The following ZNF333 variants were observed in gnomAD, a reference collection of about 807,000 sequenced individuals.
The protein encoded by ZNF333 is zinc finger protein 333.
ZNF333 carries 61 observed loss-of-function variants against 76.1 expected under a neutral mutation model. That is an observed-to-expected ratio of 0.80 (90% CI 0.65 to 0.99). The LOEUF (loss-of-function observed/expected upper bound fraction) is 0.99. Ranked by LOEUF, ZNF333 falls within the 50% of genes least tolerant of loss-of-function variation. The pLI, the probability that ZNF333 is intolerant of heterozygous loss-of-function variation, is 0.00. For missense variants in ZNF333, 717 were observed against 822.4 expected, an observed-to-expected ratio of 0.87 and a Z score of 1.57; for synonymous variants, 284 against 305.0, an observed-to-expected ratio of 0.93 and a Z score of 0.72.
Position 14,715,279 on chromosome 19 carries a change from G to A in ZNF333, c.512-103G>A. 5.6e-6 allele frequency: 5 copies of A among 898,716 alleles called. 1 individual carries two copies. The South Asian group carries it at 5.9e-5, about 11-fold the overall frequency. 55.7% of individuals were successfully genotyped at this position (898,716 alleles called of 1,614,324 possible). Reference sequence around the variant, plus strand: ...CCTGTGAGTGTGTGCATGTGTGTGTGTACACATGTGATCACTCACAGCCAG... The same window carrying A: ...CCTGTGAGTGTGTGCATGTGTGTGTATACACATGTGATCACTCACAGCCAG... On this transcript the variant is annotated intron_variant, in intron 7 of 11. Coordinates refer to ENST00000292530, the MANE Select transcript of ZNF333 (RefSeq NM_032433.4).
intron 7 of ZNF333, among the ~76,000 whole-genome samples, chr19:14,712,157 A>G (rs1323033798): frequency 2.0e-5 from 3 of 151,544 alleles, no homozygotes; most frequent in African/African-American, 4.8e-5. Context: ...GATCAAAGAC[A>G]GGGGCAGCAC....
intron 7 of ZNF333, among the ~76,000 whole-genome samples, chr19:14,712,606 C>T (rs772823008): frequency 2.0e-5 from 3 of 152,106 alleles, no homozygotes; most frequent in Non-Finnish European, 4.4e-5. Flanking sequence ...CGTGCTCCCT[C>T]TGATGGCTCG....
intron 7 of ZNF333, among the ~76,000 whole-genome samples, chr19:14,710,859 A>G (rs920161408): frequency 6.6e-6 from 1 of 152,182 alleles, no homozygotes; most frequent in Non-Finnish European, 1.5e-5. Flanking sequence ...GAAGCACGGC[A>G]CCAACATCTG....
At chr19:14,693,396 A>ATGCTCTGCTTCCGTC in intron 1 of ZNF333, 55 bp from the exon 2 acceptor site, 1 of 1,415,922 alleles carries the variant, frequency 7.1e-7, no homozygotes, top group Non-Finnish European at 9.6e-7. Context: ...ATCCCCCAAA[A>ATGCTCTGCTTCCGTC]TGCTCTGCTT....
intron 2 of ZNF333, 62 bp from the exon 3 acceptor site, chr19:14,694,948 C>A (rs1973062124): frequency 6.2e-7 from 1 of 1,604,304 alleles, no homozygotes; most frequent in African/African-American, 1.3e-5. Context: ...CAGTGATAAC[C>A]AGTCGTTCTG....
chr19:14,699,511 A>C, intron 5 of ZNF333: 1 of 418,508 alleles, frequency 2.4e-6, no homozygotes, highest in South Asian at 2.7e-5. Context: ...CCCAGGCTGG[A>C]GTGCAGTGGC....
Position 14,718,904 on chromosome 19 carries a change from G to A in ZNF333, c.1577G>A (p.Arg526Lys). Residue 526 changes from arginine to lysine, a missense_variant, in exon 12 of 12, where the codon AGG becomes AAG. Transcript: ENST00000292530. ...AGCACTCATCTGAACGTGCACAAGAGGATACACACAGGGGAGAAACTGTAT... is the reference window on the plus strand; with the variant it reads ...AGCACTCATCTGAACGTGCACAAGAAGATACACACAGGGGAGAAACTGTAT... The part of the protein sequence containing the change: ...RTSTHLNVHK[R>K]IHTGEKLYEC... 1 of 1,614,166 alleles carries A rather than the reference G, an allele frequency of 6.2e-7. No individual in the cohort carries two copies. Among genetic ancestry groups the A allele is most frequent in the Non-Finnish European group, 8.5e-7 (1 of 1,180,014 alleles).
chr19:14,698,899 G>GAGATAT (rs1373655405), intron 4 of ZNF333, among the ~76,000 whole-genome samples: 1 of 132,710 alleles, frequency 7.5e-6, no homozygotes, highest in Admixed American at 7.6e-5. Flanking sequence ...CACAAATATA[G>GAGATAT]ATATATATAT....
intron 8 of ZNF333, 51 bp from the exon 9 acceptor site, chr19:14,716,061 C>A: frequency 6.2e-7 from 1 of 1,608,536 alleles, no homozygotes; most frequent in Non-Finnish European, 8.5e-7. Context: ...CATCCTCTGG[C>A]GTACTGGTGG....
chr19:14,732,216 A>G (rs1319086386), exon 12 of ZNF333: 2 of 152,158 alleles, frequency 1.3e-5, no homozygotes, highest in African/African-American at 4.8e-5. Flanking sequence ...TGTGTCGAGC[A>G]AGTCTGTAGG....
chr19:14,704,361 T>G (rs1238140147), intron 5 of ZNF333, among the ~76,000 whole-genome samples: 1 of 152,136 alleles, frequency 6.6e-6, no homozygotes, highest in Non-Finnish European at 1.5e-5. Flanking sequence ...CTCAGCTCAC[T>G]GCAACTTCTG....
At chr19:14,726,694 C>T (rs1309901200), downstream of ZNF333, among the ~76,000 whole-genome samples, 16 of 152,270 alleles carry the variant, frequency 1.1e-4, no homozygotes, top group African/African-American at 2.2e-4. Context: ...AGGACATAGA[C>T]GCAATGCTGC....
exon 12 of ZNF333, chr19:14,732,853 T>C (rs937979033): frequency 9.2e-5 from 14 of 152,212 alleles, no homozygotes; most frequent in African/African-American, 2.9e-4. Flanking sequence ...TGATTGTCTA[T>C]AGCTGTTTTC....
At chr19:14,692,851 C>T (rs1475256819) in intron 1 of ZNF333, among the ~76,000 whole-genome samples, 1 of 148,444 alleles carries the variant, frequency 6.7e-6, no homozygotes, top group Non-Finnish European at 1.5e-5. Flanking sequence ...GACATGGAGT[C>T]TTAGTCTGTT....
downstream of ZNF333, among the ~76,000 whole-genome samples, chr19:14,724,024 T>A (rs764580528): frequency 6.6e-6 from 1 of 152,186 alleles, no homozygotes; most frequent in Non-Finnish European, 1.5e-5. Flanking sequence ...GCCCAGTTGC[T>A]ATGCTCTTGC....
At position 14,699,221 on chromosome 19, in the gene ZNF333, C is replaced by G. The variant is rs376735866; in HGVS notation, c.246C>G (p.Pro82=). 1 of 1,613,732 alleles carries G rather than the reference C, an allele frequency of 6.2e-7. No homozygotes were observed. Among genetic ancestry groups the G allele is most frequent in the South Asian group, 1.1e-5 (1 of 91,064 alleles). Residue 82 remains proline, a synonymous_variant, in exon 5 of 12, where the codon CCC becomes CCG. Coordinates refer to ENST00000292530, the MANE Select transcript of ZNF333 (RefSeq NM_032433.4). ...TGVAWESQLK[P]EELPSMQDLL... ...CAGCCTGGGAATCTCAACTTAAACCCGAAGAGTTGCCTTCTATGCAGGATC... is the reference window on the plus strand; with the variant it reads ...CAGCCTGGGAATCTCAACTTAAACCGGAAGAGTTGCCTTCTATGCAGGATC...
At chr19:14,728,821 G>A (rs778718089) in intron 11 of ZNF333, among the ~76,000 whole-genome samples, 30 of 152,326 alleles carry the variant, frequency 2.0e-4, no homozygotes, top group East Asian at 5.8e-4. Context: ...TGCCACCCAC[G>A]TCAATCAAGA....
intron 7 of ZNF333, 139 bp downstream of exon 7, chr19:14,706,912 CCT>C: frequency 6.2e-6 from 4 of 640,074 alleles, no homozygotes; most frequent in Admixed American, 3.3e-5. Flanking sequence ...ATACAGAAGG[CCT>C]CTCTCATTAT....
intron 11 of ZNF333, among the ~76,000 whole-genome samples, chr19:14,728,939 A>G (rs559104535): frequency 6.6e-6 from 1 of 152,190 alleles, no homozygotes; most frequent in Admixed American, 6.5e-5. Context: ...ATGTAAGCTG[A>G]CCCGATTGGC....
Sources: gnomAD v4.1 joint callset for allele counts (sites outside exome capture counted in the v4.1 genomes callset) on GRCh38, gnomAD v4.1.1 for gene constraint, MANE v1.5 for transcripts, NCBI Gene and HGNC (gene_info 2026-07-23, HGNC 2026-07-21) for gene names.